The following RIMS1 variants were observed in gnomAD, a reference collection of about 807,000 sequenced individuals.
RIMS1 encodes the protein regulating synaptic membrane exocytosis protein 1.
A neutral mutation model predicts 214.1 loss-of-function variants in RIMS1; 83 were observed. The ratio of observed to expected loss-of-function variants is 0.39; its 90% confidence interval spans 0.32 to 0.47. The LOEUF (loss-of-function observed/expected upper bound fraction) is 0.47. Ranked by LOEUF, RIMS1 falls within the 20% of genes least tolerant of loss-of-function variation. RIMS1 has a pLI of 0.99. For synonymous variants in RIMS1, 793 were observed against 786.8 expected (o/e 1.01, Z -0.13); for missense variants, 2,050 against 2,161.8 (o/e 0.95, Z 1.03).
At chr6:72,030,612 T>G (rs1817813993) in intron 2 of RIMS1, among the ~76,000 whole-genome samples, 1 of 152,140 alleles carries the variant, frequency 6.6e-6, no homozygotes, top group Non-Finnish European at 1.5e-5. Context: ...AATTACATTT[T>G]AATTATTATA....
chr6:72,316,009 A>G (rs957663513), intron 28 of RIMS1, among the ~76,000 whole-genome samples: 4 of 152,094 alleles, frequency 2.6e-5, no homozygotes, highest in Non-Finnish European at 4.4e-5. Context: ...GAATATATTT[A>G]CATATAAGTT....
intron 1 of RIMS1, among the ~76,000 whole-genome samples, chr6:71,914,120 G>A (rs1777676619): frequency 6.6e-6 from 1 of 152,098 alleles, no homozygotes. Context: ...GCAATATATA[G>A]TTTTCCCTTC....
At chr6:72,351,875 T>C (rs2097460065) in intron 29 of RIMS1, among the ~76,000 whole-genome samples, 1 of 152,224 alleles carries the variant, frequency 6.6e-6, no homozygotes, top group South Asian at 2.1e-4. Flanking sequence ...TTTTATACCC[T>C]AAGACTAAGC....
chr6:71,994,043 G>T (rs1204955803), intron 2 of RIMS1, among the ~76,000 whole-genome samples: 2 of 152,124 alleles, frequency 1.3e-5, no homozygotes, highest in Non-Finnish European at 1.5e-5. Context: ...CAAGAGCATT[G>T]TACTCTTAAG....
At chr6:71,928,830 C>A (rs1782262141) in intron 1 of RIMS1, among the ~76,000 whole-genome samples, 1 of 152,076 alleles carries the variant, frequency 6.6e-6, no homozygotes, top group African/African-American at 2.4e-5. Context: ...TTTTAACATG[C>A]AGCCAGTGTT....
chr6:72,015,138 A>G (rs1350015742), intron 2 of RIMS1, among the ~76,000 whole-genome samples: 1 of 152,194 alleles, frequency 6.6e-6, no homozygotes, highest in Non-Finnish European at 1.5e-5. Flanking sequence ...TATATTTCAT[A>G]TACACATTAT....
At chr6:72,050,817 G>T (rs539712469) in intron 2 of RIMS1, among the ~76,000 whole-genome samples, 1 of 152,294 alleles carries the variant, frequency 6.6e-6, no homozygotes, top group East Asian at 1.9e-4. Flanking sequence ...AACCTGCACA[G>T]TGCTCCAGTG....
At chr6:72,064,706 AT>A (rs1828841805) in intron 2 of RIMS1, among the ~76,000 whole-genome samples, 1 of 145,318 alleles carries the variant, frequency 6.9e-6, no homozygotes, top group Non-Finnish European at 1.5e-5. Context: ...TTAAAAAAAA[AT>A]GTTTTTCAGC....
chr6:71,993,602 A>G (rs1019854614), intron 2 of RIMS1, among the ~76,000 whole-genome samples: 3 of 152,232 alleles, frequency 2.0e-5, no homozygotes, highest in African/African-American at 7.2e-5. Context: ...GGACAAAACA[A>G]CCAGAAACCT....
intron 8 of RIMS1, among the ~76,000 whole-genome samples, chr6:72,237,038 A>C (rs1237163996): frequency 6.6e-6 from 1 of 151,926 alleles, no homozygotes; most frequent in Non-Finnish European, 1.5e-5. Flanking sequence ...TTCTCTACAA[A>C]ATTAAAATTA....
chr6:72,245,983 G>A, intron 11 of RIMS1, 122 bp downstream of exon 11: 1 of 617,518 alleles, frequency 1.6e-6, no homozygotes, highest in Non-Finnish European at 2.8e-6. Context: ...TGTCTCCATT[G>A]GTACTAGATG....
intron 6 of RIMS1, among the ~76,000 whole-genome samples, chr6:72,219,888 A>G (rs540248196): frequency 3.8e-4 from 58 of 152,016 alleles, no homozygotes; most frequent in Admixed American, 2.6e-4. Flanking sequence ...TATATTTTCT[A>G]TATTTTCCTA....
intron 6 of RIMS1, among the ~76,000 whole-genome samples, chr6:72,228,010 A>G (rs1292767157): frequency 6.6e-6 from 1 of 151,932 alleles, no homozygotes; most frequent in Non-Finnish European, 1.5e-5. Flanking sequence ...TTTGACATAG[A>G]AAAAACTGTG....
chr6:72,112,242 G>A (rs955790000), intron 4 of RIMS1, among the ~76,000 whole-genome samples: 6 of 151,770 alleles, frequency 4.0e-5, no homozygotes, highest in Admixed American at 2.0e-4. Flanking sequence ...CTCCACTTTC[G>A]CCAAACTGGT....
chr6:71,963,670 A>G (rs1428159112), intron 1 of RIMS1, among the ~76,000 whole-genome samples: 2 of 152,220 alleles, frequency 1.3e-5, no homozygotes, highest in African/African-American at 4.8e-5. Context: ...TTGTGCAGAA[A>G]GAGAGTGAAC....
rs2080062426 is a variant in RIMS1 at position 72,265,435 on chromosome 6, G to A, written c.3240G>A (p.Gln1080=). ...AHTKTKSVTR[Q]DISLHHECFN... ...CTAAGACCAAATCAGTGACTAGACA[G>A]GACATTTCCCTTCATCATGAATGCT... is the stretch of plus-strand genomic sequence containing the variant. The change falls in exon 21 of 34, where the codon CAG becomes CAA. Residue 1080 remains glutamine, a synonymous_variant. Coordinates refer to ENST00000521978, the MANE Select transcript of RIMS1 (RefSeq NM_014989.7). 6.2e-7 allele frequency: 1 copy of A among 1,610,472 alleles called. No homozygotes were observed. Among genetic ancestry groups the A allele is most frequent in the African/African-American group, 1.3e-5 (1 of 74,776 alleles).
chr6:71,934,593 T>C (rs915763820), intron 1 of RIMS1, among the ~76,000 whole-genome samples: 1 of 152,164 alleles, frequency 6.6e-6, no homozygotes, highest in Admixed American at 6.5e-5. Flanking sequence ...ACACTAATTG[T>C]AGGTGGGCAT....
At chr6:72,326,811 T>G (rs567467915) in intron 28 of RIMS1, among the ~76,000 whole-genome samples, 1 of 151,790 alleles carries the variant, frequency 6.6e-6, no homozygotes, top group Non-Finnish European at 1.5e-5. Flanking sequence ...GTAGGGAGCT[T>G]GTACAAGGTT....
intron 1 of RIMS1, among the ~76,000 whole-genome samples, chr6:71,939,621 C>T (rs997525747): frequency 3.9e-5 from 6 of 152,162 alleles, no homozygotes; most frequent in Non-Finnish European, 8.8e-5. Flanking sequence ...CCTGCTGCAA[C>T]TTAACACTGT....
Sources: gnomAD v4.1 joint callset for allele counts (sites outside exome capture counted in the v4.1 genomes callset) on GRCh38, gnomAD v4.1.1 for gene constraint, MANE v1.5 for transcripts, NCBI Gene and HGNC (gene_info 2026-07-23, HGNC 2026-07-21) for gene names.